The following CNBD1 variants were observed in gnomAD, a reference collection of about 807,000 sequenced individuals.
The protein encoded by CNBD1 is cyclic nucleotide binding domain containing 1.
Under a neutral mutation model 54.4 loss-of-function variants are expected in CNBD1, and 71 were observed. The ratio of observed to expected loss-of-function variants is 1.30; its 90% confidence interval spans 1.08 to 1.59. The LOEUF (loss-of-function observed/expected upper bound fraction) is 1.59, where lower values mean the gene tolerates loss of function less well. Among genes scored for constraint, CNBD1 ranks in the 40% most tolerant of loss-of-function variants. The pLI is 0.00. For missense variants in CNBD1, 659 were observed against 518.0 expected, an observed-to-expected ratio of 1.27 and a Z score of -2.64; for synonymous variants, 182 against 170.7, an observed-to-expected ratio of 1.07 and a Z score of -0.51.
intron 4 of CNBD1, among the ~76,000 whole-genome samples, chr8:87,176,671 A>G (rs1354041190): frequency 1.5e-5 from 2 of 134,348 alleles, no homozygotes; most frequent in East Asian, 2.1e-4. Flanking sequence ...TTTTTTTTTC[A>G]TTAGAGACGA....
chr8:87,199,912 T>A (rs73690128), intron 4 of CNBD1, among the ~76,000 whole-genome samples: 2,171 of 152,298 alleles, frequency 0.014, 60 homozygotes, highest in African/African-American at 0.05. Flanking sequence ...GGCTCTCAGA[T>A]GCTGTTAACT....
chr8:87,236,806 A>G, intron 5 of CNBD1, 113 bp from the exon 6 acceptor site: 2 of 574,530 alleles, frequency 3.5e-6, no homozygotes, highest in Non-Finnish European at 5.9e-6. Context: ...CTGTTACAGA[A>G]TACACTGAAA....
intron 8 of CNBD1, among the ~76,000 whole-genome samples, chr8:87,335,836 C>G (rs1381490107): frequency 1.3e-5 from 2 of 152,084 alleles, no homozygotes; most frequent in African/African-American, 4.8e-5. Flanking sequence ...TTTGCAGAGC[C>G]TGGTACTGGT....
intron 4 of CNBD1, among the ~76,000 whole-genome samples, chr8:86,996,418 TG>T (rs1563852184): frequency 6.6e-6 from 1 of 152,212 alleles, no homozygotes; most frequent in African/African-American, 2.4e-5. Flanking sequence ...AAATTCTATC[TG>T]AGCACAAACT....
chr8:87,062,599 T>C (rs2130641412), intron 4 of CNBD1, among the ~76,000 whole-genome samples: 1 of 152,014 alleles, frequency 6.6e-6, no homozygotes, highest in East Asian at 1.9e-4. Context: ...CAGCTGGGCA[T>C]GGTGGCACAT....
intron 8 of CNBD1, among the ~76,000 whole-genome samples, chr8:87,295,629 T>C (rs1808863801): frequency 6.6e-6 from 1 of 152,062 alleles, no homozygotes; most frequent in Non-Finnish European, 1.5e-5. Flanking sequence ...CTCTTTTCTC[T>C]ACCTCTTTCT....
intron 4 of CNBD1, among the ~76,000 whole-genome samples, chr8:87,142,526 A>G (rs1388085953): frequency 6.6e-6 from 1 of 152,120 alleles, no homozygotes; most frequent in Non-Finnish European, 1.5e-5. Flanking sequence ...AATACATTTA[A>G]CTCTTCATAA....
intron 3 of CNBD1, among the ~76,000 whole-genome samples, chr8:86,907,592 C>T (rs942400889): frequency 2.0e-5 from 3 of 151,606 alleles, no homozygotes; most frequent in African/African-American, 4.8e-5. Flanking sequence ...CACTTGAACC[C>T]AGGAGGCGGA....
intron 4 of CNBD1, among the ~76,000 whole-genome samples, chr8:87,140,570 T>A (rs928038181): frequency 2.0e-5 from 3 of 152,142 alleles, no homozygotes; most frequent in African/African-American, 7.2e-5. Context: ...TTTATTATAA[T>A]ATTGTTATTT....
Position 86,903,826 on chromosome 8 carries a change from T to C in CNBD1, c.159-1255T>C, listed in dbSNP as rs566565564. On this transcript the variant is annotated intron_variant, in intron 2 of 10. Transcript: ENST00000518476. ...GTATCCAGTGAAAAACAGGTAGATG[T>C]GTAAAACAGATGATTGTAGAATGTG... is the stretch of plus-strand genomic sequence containing the variant. Among the ~76,000 whole-genome samples, 246 of 151,750 alleles carry C rather than the reference T, an allele frequency of 1.6e-3. 3 individuals carry two copies. The highest frequency in any genetic ancestry group is 0.016 in the South Asian group (75 of 4,806).
At chr8:86,953,893 T>A (rs1481309290) in intron 4 of CNBD1, among the ~76,000 whole-genome samples, 3 of 152,112 alleles carry the variant, frequency 2.0e-5, no homozygotes, top group Non-Finnish European at 4.4e-5. Flanking sequence ...CCTATGTAAC[T>A]AAACATGTTA....
At chr8:87,161,099 T>C (rs1268835200) in intron 4 of CNBD1, among the ~76,000 whole-genome samples, 1 of 152,126 alleles carries the variant, frequency 6.6e-6, no homozygotes. Context: ...AGGGAGCCAA[T>C]TCTTCATGAG....
intron 5 of CNBD1, among the ~76,000 whole-genome samples, chr8:87,223,977 T>C (rs1468217722): frequency 3.3e-5 from 5 of 152,210 alleles, no homozygotes; most frequent in Non-Finnish European, 5.9e-5. Flanking sequence ...TTGATTTGCA[T>C]TTCTCTGATG....
chr8:87,352,628 G>A (rs890788271), intron 9 of CNBD1, among the ~76,000 whole-genome samples: 2 of 152,034 alleles, frequency 1.3e-5, no homozygotes, highest in African/African-American at 4.8e-5. Flanking sequence ...ATGGATACTT[G>A]TAAGAATCTC....
chr8:87,260,073 T>A (rs1265073879), intron 6 of CNBD1, among the ~76,000 whole-genome samples: 1 of 152,092 alleles, frequency 6.6e-6, no homozygotes, highest in Admixed American at 6.6e-5. Flanking sequence ...ACTGCCACTG[T>A]GAAAGGGAAA....
intron 4 of CNBD1, among the ~76,000 whole-genome samples, chr8:86,958,019 G>A (rs946578993): frequency 6.6e-6 from 1 of 152,102 alleles, no homozygotes; most frequent in Non-Finnish European, 1.5e-5. Flanking sequence ...TAGAGATTCT[G>A]GTATTTGTGT....
At chr8:87,351,956 T>C (rs1177537195) in intron 9 of CNBD1, among the ~76,000 whole-genome samples, 162 bp downstream of exon 9, 4 of 152,208 alleles carry the variant, frequency 2.6e-5, no homozygotes, top group African/African-American at 9.6e-5. Context: ...AGTTATAAGA[T>C]ATAAGAATAT....
At chr8:87,224,966 G>T (rs914592114) in intron 5 of CNBD1, among the ~76,000 whole-genome samples, 8 of 152,146 alleles carry the variant, frequency 5.3e-5, no homozygotes, top group Non-Finnish European at 1.0e-4. Context: ...CACATCCCTT[G>T]TAAGTTGGAT....
chr8:87,181,526 T>A (rs1813311563), intron 4 of CNBD1, among the ~76,000 whole-genome samples: 1 of 152,228 alleles, frequency 6.6e-6, no homozygotes, highest in Non-Finnish European at 1.5e-5. Flanking sequence ...ATTCACTGGT[T>A]AATATTTTGA....
Sources: allele counts gnomAD v4.1 joint callset (sites outside exome capture counted in the v4.1 genomes callset), GRCh38; gene constraint gnomAD v4.1.1; transcripts MANE v1.5; gene names NCBI Gene and HGNC (gene_info 2026-07-23, HGNC 2026-07-21).